The following ASIC2 variants were observed in gnomAD, a reference collection of about 807,000 sequenced individuals.
The protein encoded by ASIC2 is acid sensing ion channel subunit 2.
In ASIC2, 25 loss-of-function variants were observed where a neutral mutation model predicts 57.3. The observed-to-expected ratio is 0.44, with a 90% CI of 0.32 to 0.61. The LOEUF (loss-of-function observed/expected upper bound fraction) is 0.61, where lower values mean the gene tolerates loss of function less well. Ranked by LOEUF, ASIC2 falls within the 20% of genes least tolerant of loss-of-function variation. The probability of loss-of-function intolerance (pLI) is 0.06; values close to 1 mark genes in which losing one functional copy is unlikely to be tolerated. For missense variants in ASIC2, 641 were observed against 738.1 expected (o/e 0.87, Z 1.52); for synonymous variants, 319 against 307.5 (o/e 1.04, Z -0.39).
At chr17:33,536,220 A>G (rs1366857761) in intron 1 of ASIC2, among the ~76,000 whole-genome samples, 2 of 152,168 alleles carry the variant, frequency 1.3e-5, no homozygotes, top group African/African-American at 4.8e-5. Context: ...AGTAAATGGC[A>G]CTAGCATATA....
chr17:33,503,407 A>G (rs1914158047), intron 1 of ASIC2, among the ~76,000 whole-genome samples: 1 of 152,160 alleles, frequency 6.6e-6, no homozygotes, highest in South Asian at 2.1e-4. Flanking sequence ...GATGTCAGGT[A>G]AGTCCTCTCT....
intron 1 of ASIC2, among the ~76,000 whole-genome samples, chr17:33,163,867 C>T (rs1455020185): frequency 6.6e-6 from 1 of 152,066 alleles, no homozygotes; most frequent in Non-Finnish European, 1.5e-5. Context: ...ACTGAGAAGC[C>T]GGCATTTGAG....
rs1283942275 is a variant in ASIC2, at chr17:33,016,009, C to T, written c.1552G>A (p.Gly518Ser). 6.2e-7 allele frequency: 1 copy of T among 1,614,086 alleles called. No homozygotes were observed. Among genetic ancestry groups the T allele is most frequent in the South Asian group, 1.1e-5 (1 of 91,076 alleles). The change falls in exon 9 of 10, where the codon GGC becomes AGC. Residue 518 changes from glycine to serine, a missense_variant. By Grantham distance (56) the Gly-to-Ser change is moderately conservative. Coordinates refer to ENST00000225823, the MANE Select transcript of ASIC2 (RefSeq NM_183377.2). ...TGGCTCCCTTCGTCCTCCTCTTTGC[C>T]AAGCAGGTCTAATAGCTTCTCTTTG... ...LIKEKLLDLL[G>S]KEEDEGSHDE...
intron 1 of ASIC2, among the ~76,000 whole-genome samples, chr17:33,892,674 T>C (rs545174880): frequency 6.6e-6 from 1 of 152,224 alleles, no homozygotes; most frequent in Non-Finnish European, 1.5e-5. Flanking sequence ...AGCATTTTCC[T>C]TCTCTCCAAC....
chr17:34,081,334 C>T (rs930229612), intron 1 of ASIC2, among the ~76,000 whole-genome samples: 8 of 152,102 alleles, frequency 5.3e-5, no homozygotes, highest in African/African-American at 1.9e-4. Context: ...CTTTGCTAGG[C>T]ACTAGATAGA....
chr17:33,272,636 A>G (rs981472253), intron 1 of ASIC2, among the ~76,000 whole-genome samples: 2 of 152,278 alleles, frequency 1.3e-5, no homozygotes, highest in South Asian at 2.1e-4. Flanking sequence ...CGTGAGCATC[A>G]TCACCATCAC....
chr17:33,773,428 G>C (rs73984603), intron 1 of ASIC2, among the ~76,000 whole-genome samples: 12,052 of 152,152 alleles, frequency 0.079, 550 homozygotes, highest in East Asian at 0.22. Context: ...TTTTGGCCAA[G>C]TTGCAGATCC....
At chr17:34,034,490 T>C (rs1040608257) in intron 1 of ASIC2, among the ~76,000 whole-genome samples, 10 of 152,128 alleles carry the variant, frequency 6.6e-5, no homozygotes, top group Non-Finnish European at 1.3e-4. Context: ...CTATTCAACA[T>C]AGTCTTGGAA....
Position 34,156,024 on chromosome 17 carries a change from T to C in ASIC2, c.509A>G (p.Tyr170Cys). Residue 170 changes from tyrosine to cysteine, a missense_variant, in exon 1 of 10, where the codon TAC becomes TGC. Physicochemically the swap from Tyr to Cys is radical, Grantham distance 194. Coordinates refer to the ASIC2 transcript ENST00000359872. This position sits in a 1 kb window ranked among gnomAD's most constrained non-coding sequence, Gnocchi z 4.4. ...GCACTCCTGCCCTTTGAACTTGCAG[T>C]AGAGCATCATATCCTTCAGGTCATG... The C allele has an allele frequency of 6.2e-7, 1 of 1,613,784 alleles. No homozygotes were observed.
At chr17:33,772,238 T>C (rs1911134499) in intron 1 of ASIC2, among the ~76,000 whole-genome samples, 1 of 152,196 alleles carries the variant, frequency 6.6e-6, no homozygotes, top group Non-Finnish European at 1.5e-5. Flanking sequence ...GAGGGTCCTG[T>C]CCCACATCCA....
chr17:33,882,491 C>G (rs1243237088), intron 1 of ASIC2, among the ~76,000 whole-genome samples: 1 of 152,168 alleles, frequency 6.6e-6, no homozygotes, highest in African/African-American at 2.4e-5. Context: ...ATTTATGCAG[C>G]CAACAGACAC....
chr17:33,779,543 A>G (rs1436950227), intron 1 of ASIC2, among the ~76,000 whole-genome samples: 6 of 152,204 alleles, frequency 3.9e-5, no homozygotes, highest in Non-Finnish European at 8.8e-5. Context: ...TAGTGCTCTC[A>G]GAAGTTTCAG....
chr17:33,362,586 C>A (rs137897455), intron 1 of ASIC2, among the ~76,000 whole-genome samples: 1 of 152,152 alleles, frequency 6.6e-6, no homozygotes. Context: ...AGTGTCAGTG[C>A]CTCCCTCTTG....
At chr17:33,178,038 G>C (rs1194972045) in intron 1 of ASIC2, among the ~76,000 whole-genome samples, 1 of 152,022 alleles carries the variant, frequency 6.6e-6, no homozygotes, top group East Asian at 1.9e-4. Flanking sequence ...CAATTCAAGG[G>C]GGTTCCTAGC....
intron 1 of ASIC2, among the ~76,000 whole-genome samples, chr17:33,781,292 C>T (rs1567713933): frequency 1.3e-5 from 2 of 152,228 alleles, no homozygotes; most frequent in Admixed American, 1.3e-4. Context: ...GACGCCTCTC[C>T]ACAGCATTTC....
At position 33,270,453 on chromosome 17, in the gene ASIC2, C is replaced by T. The variant is rs114587761; in HGVS notation, c.708+20955G>A. On this transcript the variant is annotated intron_variant, in intron 1 of 9. Transcript: ENST00000225823. ...GTCTTTCTGAAATGCAAATTTGATA[C>T]TGTCAATCCATACACCCTGTTTAAA... Among the ~76,000 whole-genome samples the T allele has an allele frequency of 3.4e-3, 511 of 152,310 alleles. 3 individuals are homozygous for T. Among genetic ancestry groups the T allele is most frequent in the African/African-American group, 0.012 (502 of 41,562 alleles).
intron 1 of ASIC2, among the ~76,000 whole-genome samples, chr17:33,902,035 G>A (rs188381637): frequency 5.5e-4 from 83 of 152,212 alleles, no homozygotes; most frequent in Admixed American, 2.0e-4. Flanking sequence ...AGACTCTCTT[G>A]TACCTAGACA....
chr17:33,833,457 T>A (rs1246401346), intron 1 of ASIC2, among the ~76,000 whole-genome samples: 3 of 152,098 alleles, frequency 2.0e-5, no homozygotes, highest in African/African-American at 7.2e-5. Flanking sequence ...GAGCAGATAG[T>A]ATACGCTGTT....
chr17:33,769,714 C>T (rs925399196), intron 1 of ASIC2, among the ~76,000 whole-genome samples: 10 of 152,314 alleles, frequency 6.6e-5, no homozygotes, highest in African/African-American at 1.7e-4. Context: ...GAGGAAGAGA[C>T]GATCCACTCT....
Sources: gnomAD v4.1 joint callset for allele counts (sites outside exome capture counted in the v4.1 genomes callset) on GRCh38, gnomAD v4.1.1 for gene constraint, Gnocchi (gnomAD v3.1) non-coding constraint, MANE v1.5 for transcripts, NCBI Gene and HGNC (gene_info 2026-07-23, HGNC 2026-07-21) for gene names.